The following DNAH17 variants were observed in gnomAD, a reference collection of about 807,000 sequenced individuals.
DNAH17 encodes dynein axonemal heavy chain 17, also known as axonemal beta dynein heavy chain 17.
A neutral mutation model predicts 485.6 loss-of-function variants in DNAH17; 376 were observed. The ratio of observed to expected loss-of-function variants is 0.77; its 90% CI spans 0.71 to 0.84. The LOEUF is 0.84. Among genes scored for constraint, DNAH17 ranks in the 40% least tolerant of loss-of-function variants. DNAH17 has a pLI of 0.00. For missense variants in DNAH17, 6,370 were observed against 5,839.3 expected (o/e 1.09, Z -2.96); for synonymous variants, 3,031 against 2,405.9 (o/e 1.26, Z -7.60).
intron 48 of DNAH17, chr17:78,484,639 G>A (rs373138305): frequency 5.9e-6 from 2 of 341,552 alleles, no homozygotes; most frequent in Non-Finnish European, 1.1e-5. Flanking sequence ...GGACGAAACT[G>A]ATAGAACCTC....
chr17:78,568,442 T>C (rs971356026), intron 9 of DNAH17, among the ~76,000 whole-genome samples: 3 of 151,182 alleles, frequency 2.0e-5, no homozygotes, highest in Non-Finnish European at 2.9e-5. Context: ...ATTTTCCCCT[T>C]TTTTAAGGAT....
chr17:78,519,460 T>G (rs181349864), intron 25 of DNAH17, among the ~76,000 whole-genome samples: 1 of 152,154 alleles, frequency 6.6e-6, no homozygotes, highest in Non-Finnish European at 1.5e-5. Context: ...CAGAAACTGA[T>G]GAAGTTTAAA....
chr17:78,467,321 C>G (rs765661927), intron 55 of DNAH17, among the ~76,000 whole-genome samples: 1 of 152,242 alleles, frequency 6.6e-6, no homozygotes, highest in Non-Finnish European at 1.5e-5. Flanking sequence ...CTCCCAGCTG[C>G]TCTTGCTCTC....
chr17:78,515,203 G>T (rs1057012606), intron 25 of DNAH17, among the ~76,000 whole-genome samples, 181 bp from the exon 26 acceptor site: 1 of 152,164 alleles, frequency 6.6e-6, no homozygotes. Context: ...CGTCACAAAA[G>T]GTAAGATTTA....
At chr17:78,471,108 G>A (rs753495608) in intron 54 of DNAH17, among the ~76,000 whole-genome samples, 1 of 152,150 alleles carries the variant, frequency 6.6e-6, no homozygotes, top group African/African-American at 2.4e-5. Context: ...AGACCTATGG[G>A]CTTCTGTACT....
At chr17:78,522,924 G>A in intron 25 of DNAH17, 1 of 158,436 alleles carries the variant, frequency 6.3e-6, no homozygotes, top group Non-Finnish European at 1.4e-5. Flanking sequence ...CTCCATCATA[G>A]CTCACTGTAG....
At chr17:78,464,306 C>G (rs1183188852) in intron 56 of DNAH17, among the ~76,000 whole-genome samples, 2 of 152,188 alleles carry the variant, frequency 1.3e-5, no homozygotes, top group African/African-American at 4.8e-5. Context: ...ATTGCCCAGG[C>G]TAGAGTGCAG....
chr17:78,479,702 C>T (rs539259971), intron 49 of DNAH17, 70 bp from the exon 50 acceptor site: 24 of 1,592,774 alleles, frequency 1.5e-5, no homozygotes, highest in South Asian at 8.9e-5. Context: ...GGGCCACCTT[C>T]GCGGGAGAGT....
intron 55 of DNAH17, 105 bp from the exon 56 acceptor site, chr17:78,466,921 G>T: frequency 7.8e-7 from 1 of 1,283,972 alleles, no homozygotes; most frequent in Non-Finnish European, 1.0e-6. Flanking sequence ...GCCCTGCCGG[G>T]CTCAGCCGCC....
intron 71 of DNAH17, among the ~76,000 whole-genome samples, chr17:78,442,083 A>AG (rs966888363): frequency 1.6e-4 from 5 of 31,272 alleles, no homozygotes; most frequent in African/African-American, 9.9e-4. Context: ...ACTCCATCTC[A>AG]GAAAAAAAAA....
At chr17:78,524,039 TTC>T (rs1568194608) in intron 25 of DNAH17, among the ~76,000 whole-genome samples, 1 of 152,204 alleles carries the variant, frequency 6.6e-6, no homozygotes, top group African/African-American at 2.4e-5. Flanking sequence ...CCCCCAAAAT[TTC>T]TCTGTTGAAA....
intron 24 of DNAH17, among the ~76,000 whole-genome samples, chr17:78,526,075 C>T (rs1387504014): frequency 2.0e-5 from 3 of 152,254 alleles, no homozygotes; most frequent in African/African-American, 7.2e-5. Context: ...GGGCCCTGAG[C>T]ACCCCACATG....
rs750617798 is a variant in DNAH17, at chr17:78,495,919, G to A, written c.5859C>T (p.Tyr1953=). ...VGIFITMNPG[Y]AGRAELPENL... is the part of the protein sequence containing the mutation. ...TCTCAGGCAGCTCCGCGCGTCCGGC[G>A]TACCCAGGGTTCATGGTGATGAAGA... The change falls in exon 38 of 81, where the codon TAC becomes TAT. Residue 1953 remains tyrosine (Y), a synonymous_variant. Coordinates refer to ENST00000389840, the MANE Select transcript of DNAH17 (RefSeq NM_173628.4). The A allele has an allele frequency of 2.2e-5, 35 of 1,613,772 alleles. No homozygotes were observed. Among genetic ancestry groups the A allele is most frequent in the South Asian group, 4.4e-5 (4 of 91,082 alleles).
At chr17:78,568,260 C>G (rs975615894) in intron 9 of DNAH17, among the ~76,000 whole-genome samples, 1 of 152,138 alleles carries the variant, frequency 6.6e-6, no homozygotes, top group South Asian at 2.1e-4. Flanking sequence ...TCCACATTCT[C>G]GGTCTGGGAG....
intron 11 of DNAH17, 64 bp downstream of exon 11, chr17:78,566,550 C>A (rs754823603): frequency 8.2e-6 from 10 of 1,213,350 alleles, no homozygotes; most frequent in Non-Finnish European, 9.5e-6. Context: ...AGATCGTTCT[C>A]GACATGAATC....
intron 16 of DNAH17, 44 bp from the exon 17 acceptor site, chr17:78,544,041 C>T: frequency 3.7e-6 from 6 of 1,612,538 alleles, no homozygotes; most frequent in Non-Finnish European, 5.1e-6. Context: ...TCTGGAGAAA[C>T]TGCTTTCAGT....
Position 78,507,315 on chromosome 17 carries a change from G to T in DNAH17, c.4639C>A (p.Pro1547Thr), listed in dbSNP as rs61737666. Residue 1547 changes from proline to threonine, a missense_variant, in exon 29 of 81, where the codon CCC (proline) becomes ACC (threonine). By Grantham distance (38) the Pro-to-Thr change is conservative. Transcript: ENST00000389840. ...GCCTCCAGTTTATTGTAGAGGCCGG[G>T]TTTGCTGGTGGCTTCCACCACGTTG... Reference protein sequence around the residue: ...TPNVVEATSKPGLYNKLEALK... With the variant: ...TPNVVEATSKTGLYNKLEALK... 4.1e-3 allele frequency: 6,625 copies of T among 1,613,998 alleles called. 215 individuals are homozygous for T. In the African/African-American group the frequency reaches 0.075, roughly 18 times the overall value.
rs1311346663 is a variant in DNAH17, at chr17:78,543,656, A to G, written c.2532+201T>C. ...GTCAAGCTGGTCTCGATCTCCTGAC[A>G]TTAGGTGATCCGCCCGACTCAGCCT... On this transcript the variant is annotated intron_variant, in intron 17 of 80. Transcript: ENST00000389840. 1.1e-5 allele frequency: 8 copies of G among 734,744 alleles called. No homozygotes were observed. The East Asian group carries it at 1.9e-4, about 17-fold the overall frequency. 45.5% of individuals were successfully genotyped at this position (734,744 alleles called of 1,614,324 possible). A position where few individuals can be genotyped will look rare whatever the true frequency, so the allele number is the denominator to read the frequency against.
At chr17:78,550,115 G>A (rs1488960319) in intron 16 of DNAH17, among the ~76,000 whole-genome samples, 4 of 152,170 alleles carry the variant, frequency 2.6e-5, no homozygotes, top group Admixed American at 2.0e-4. Context: ...ACAGGGAGGT[G>A]TGGGGAGGCG....
Sources: allele counts gnomAD v4.1 joint callset (sites outside exome capture counted in the v4.1 genomes callset), GRCh38; gene constraint gnomAD v4.1.1; transcripts MANE v1.5; gene names NCBI Gene and HGNC (gene_info 2026-07-23, HGNC 2026-07-21).